Variants in DOCK8 observed in about 807,000 individuals in gnomAD.
DOCK8 encodes dedicator of cytokinesis protein 8.
A neutral mutation model predicts 245.6 loss-of-function variants in DOCK8; 141 were observed. The ratio of observed to expected loss-of-function variants is 0.57; its 90% confidence interval spans 0.50 to 0.66. DOCK8 has a LOEUF of 0.66. Ranked by LOEUF, DOCK8 falls within the 30% of genes least tolerant of loss-of-function variation. The pLI, the probability that DOCK8 is intolerant of heterozygous loss-of-function variation, is 0.00. For missense variants in DOCK8, 2,965 were observed against 2,603.4 expected, an observed-to-expected ratio of 1.14 and a Z score of -3.02; for synonymous variants, 1,168 against 970.2, an observed-to-expected ratio of 1.20 and a Z score of -3.79.
chr9:395,707 A>G lies in DOCK8; in HGVS notation c.2971-1078A>G, dbSNP rs185776366. On this transcript the variant is annotated intron_variant, in intron 24 of 47. Transcript: ENST00000432829. ...CAACAAGGATAAGACTCACCCTCAG[A>G]TGGTGACAAGGGGGCCCATATTGAC... is the stretch of plus-strand genomic sequence containing the variant. Among the ~76,000 whole-genome samples the G allele has an allele frequency of 3.4e-3, 525 of 152,276 alleles. 5 individuals are homozygous for G. Among genetic ancestry groups the G allele is most frequent in the Admixed American group, 5.0e-3 (76 of 15,292 alleles).
intron 1 of DOCK8, among the ~76,000 whole-genome samples, chr9:269,552 CTTTTT>C (rs57326015): frequency 9.5e-6 from 1 of 104,998 alleles, no homozygotes; most frequent in African/African-American, 3.6e-5. Flanking sequence ...GTGTGGTTGT[CTTTTT>C]TTTTTTTTTT....
At chr9:230,657 G>A (rs371398954) in intron 1 of DOCK8, among the ~76,000 whole-genome samples, 2 of 151,572 alleles carry the variant, frequency 1.3e-5, no homozygotes, top group Admixed American at 1.3e-4. Context: ...GCCAGTGATG[G>A]TGAGCATTTT....
In DOCK8 at chr9:353,601, T is replaced by A. The variant is rs567853840; in HGVS notation, c.1679+13280T>A. ...TTTGCAAAGCCTGGGAAAAATGTGC[T>A]TTCTCTGTCTGTTAAAGGAACATGC... On this transcript the variant is annotated intron_variant, in intron 14 of 47. Transcript: ENST00000432829. Among the ~76,000 whole-genome samples the A allele has an allele frequency of 2.2e-4, 33 of 152,270 alleles. No homozygotes were observed. In the South Asian group the frequency reaches 4.1e-3, roughly 19 times the overall value.
At chr9:334,468 G>C in intron 11 of DOCK8, 84 bp downstream of exon 11, 1 of 1,461,152 alleles carries the variant, frequency 6.8e-7, no homozygotes. Flanking sequence ...GGGACTGGGG[G>C]CACAGTGAGG....
intron 29 of DOCK8, 141 bp downstream of exon 29, chr9:415,092 T>A: frequency 8.3e-7 from 1 of 1,198,146 alleles, no homozygotes; most frequent in Non-Finnish European, 1.2e-6. Flanking sequence ...CAAACCTCTT[T>A]AACACTGGCC....
chr9:402,845 A>C (rs952796291), intron 26 of DOCK8, among the ~76,000 whole-genome samples: 1 of 152,126 alleles, frequency 6.6e-6, no homozygotes, highest in Non-Finnish European at 1.5e-5. Flanking sequence ...TTTGGAATGC[A>C]CCTTACTCCT....
intron 4 of DOCK8, among the ~76,000 whole-genome samples, chr9:297,127 A>G (rs1433970311): frequency 6.6e-6 from 1 of 152,202 alleles, no homozygotes; most frequent in Non-Finnish European, 1.5e-5. Context: ...GAGAAAGAAG[A>G]TGTGAAAGGA....
In DOCK8 at chr9:399,930, A is replaced by T. The variant is rs984167403; in HGVS notation, c.3234+671A>T. 2.0e-5 allele frequency among the ~76,000 whole-genome samples: 3 copies of T among 151,098 alleles called. No homozygotes were observed. In the South Asian group the frequency reaches 6.3e-4, roughly 32 times the overall value. ...ATTACTGCTACTACTACCACCAGCC[A>T]CCACCATTCTCATTAGTCCCATGCC... On this transcript the variant is annotated intron_variant, in intron 26 of 47. Transcript: ENST00000432829.
In DOCK8 at chr9:382,703, C is replaced by G; in HGVS notation, c.2778+18C>G. On this transcript the variant is annotated intron_variant, in intron 22 of 47. Coordinates refer to ENST00000432829, the MANE Select transcript of DOCK8 (RefSeq NM_203447.4). ...CTTCAAAGGTAGGAAAGATGTCAAA[C>G]CGTGGAAGGGGACACAGGCTTTTTT... is the stretch of plus-strand genomic sequence containing the variant. 8 of 1,613,972 alleles carry G rather than the reference C, an allele frequency of 5.0e-6. No individual in the cohort carries two copies. Among genetic ancestry groups the G allele is most frequent in the Non-Finnish European group, 6.8e-6 (8 of 1,179,970 alleles).
At chr9:215,295 A>T in intron 1 of DOCK8, 1 of 1,607,006 alleles carries the variant, frequency 6.2e-7, no homozygotes, top group Admixed American at 1.7e-5. Flanking sequence ...TTCCCCGAAC[A>T]ACCTCGCCCG....
chr9:427,088 ACCTTTTTT>A, intron 34 of DOCK8, 107 bp downstream of exon 34: 1 of 931,964 alleles, frequency 1.1e-6, no homozygotes, highest in Non-Finnish European at 1.7e-6. Flanking sequence ...ATCCCATAGT[ACCTTTTTT>A]AAAAAAATGA....
chr9:414,437 A>G (rs1417297613), intron 28 of DOCK8, among the ~76,000 whole-genome samples: 1 of 152,200 alleles, frequency 6.6e-6, no homozygotes, highest in Non-Finnish European at 1.5e-5. Flanking sequence ...CTGTTTCTGG[A>G]TTCTATGTAG....
At chr9:447,646 A>G (rs954642699) in intron 44 of DOCK8, among the ~76,000 whole-genome samples, 2 of 152,186 alleles carry the variant, frequency 1.3e-5, no homozygotes, top group Admixed American at 6.5e-5. Context: ...TTCCACACCC[A>G]TGGTTCATCA....
At chr9:441,667 T>A (rs2057099091) in intron 41 of DOCK8, among the ~76,000 whole-genome samples, 2 of 152,216 alleles carry the variant, frequency 1.3e-5, no homozygotes, top group South Asian at 4.1e-4. Flanking sequence ...TTAAAAGAAG[T>A]CCCAGAAATC....
rs1279677021 is a variant in DOCK8 at position 446,629 on chromosome 9, C to T, written c.5817+23C>T. 3.7e-6 allele frequency: 6 copies of T among 1,611,266 alleles called. No homozygotes were observed. The South Asian group carries it at 5.5e-5, about 15-fold the overall frequency. ...GAGGTAATGCACCCAAGGGATTGGC[C>T]ACCACTGGATGAGTGGGCTGGGTGG... On this transcript the variant is annotated intron_variant, in intron 44 of 47. Transcript: ENST00000432829.
At chr9:356,310 C>T (rs902471491) in intron 14 of DOCK8, among the ~76,000 whole-genome samples, 6 of 152,190 alleles carry the variant, frequency 3.9e-5, no homozygotes, top group South Asian at 4.1e-4. Context: ...GGGCGGATCA[C>T]GAGGTCAGGA....
At chr9:216,632 A>T (rs1052594641) in intron 1 of DOCK8, among the ~76,000 whole-genome samples, 1 of 151,658 alleles carries the variant, frequency 6.6e-6, no homozygotes. Context: ...TAGCTGTTGC[A>T]TGCCAGGAGG....
intron 3 of DOCK8, among the ~76,000 whole-genome samples, chr9:287,162 T>A (rs1242894994): frequency 6.6e-6 from 1 of 152,224 alleles, no homozygotes. Context: ...TAAGTCAAAG[T>A]CCCTCCTTTA....
chr9:269,014 C>G (rs2129900195), intron 1 of DOCK8, among the ~76,000 whole-genome samples: 1 of 152,252 alleles, frequency 6.6e-6, no homozygotes, highest in Non-Finnish European at 1.5e-5. Context: ...AATTTTTTGC[C>G]TTCACTTTTG....
Sources: allele counts gnomAD v4.1 joint callset (sites outside exome capture counted in the v4.1 genomes callset), GRCh38; gene constraint gnomAD v4.1.1; transcripts MANE v1.5; gene names NCBI Gene and HGNC (gene_info 2026-07-23, HGNC 2026-07-21).